GRIN2B: variants seen among roughly 807,000 people sequenced by gnomAD.
GRIN2B encodes glutamate ionotropic receptor NMDA type subunit 2B, also known as glutamate receptor ionotropic, NMDA 2B.
GRIN2B carries 5 observed loss-of-function variants against 114.5 expected under a neutral mutation model. The observed-to-expected ratio is 0.04, with a 90% CI of 0.02 to 0.09. GRIN2B has a LOEUF of 0.09. GRIN2B is among the 10% of genes least tolerant of loss of function. The pLI is 1.00. For synonymous variants in GRIN2B, 787 were observed against 745.1 expected (o/e 1.06, Z -0.92); for missense variants, 1,108 against 1,943.5 (o/e 0.57, Z 8.08).
intron 4 of GRIN2B, among the ~76,000 whole-genome samples, chr12:13,697,627 G>A (rs1003076406): frequency 1.3e-5 from 2 of 152,126 alleles, no homozygotes; most frequent in African/African-American, 2.4e-5. Flanking sequence ...TTTGTCCAAG[G>A]TTGCACTTAG....
chr12:13,741,740 T>C (rs1292536924), intron 4 of GRIN2B, among the ~76,000 whole-genome samples: 1 of 152,062 alleles, frequency 6.6e-6, no homozygotes, highest in Non-Finnish European at 1.5e-5. Flanking sequence ...TTCTGTATTT[T>C]ATAAAGACGG....
intron 3 of GRIN2B, among the ~76,000 whole-genome samples, chr12:13,815,292 A>G (rs1232546232): frequency 2.0e-5 from 3 of 152,170 alleles, no homozygotes; most frequent in South Asian, 4.1e-4. Flanking sequence ...ATGTATTGGT[A>G]CTGAGATTCA....
intron 2 of GRIN2B, among the ~76,000 whole-genome samples, chr12:13,931,020 G>A (rs936371781): frequency 2.0e-5 from 3 of 152,132 alleles, no homozygotes; most frequent in Non-Finnish European, 4.4e-5. Context: ...GAAGAAAAAT[G>A]TTTTCCTGGT....
At chr12:13,652,817 A>T (rs1188043462) in intron 5 of GRIN2B, among the ~76,000 whole-genome samples, 2 of 152,196 alleles carry the variant, frequency 1.3e-5, no homozygotes, top group African/African-American at 4.8e-5. Flanking sequence ...ATTACTAAAA[A>T]GGCTGAAGAA....
intron 4 of GRIN2B, among the ~76,000 whole-genome samples, chr12:13,722,252 G>T (rs1862896271): frequency 6.6e-6 from 1 of 152,086 alleles, no homozygotes; most frequent in South Asian, 2.1e-4. Context: ...GTGTGGTCAA[G>T]GATTTCAGGG....
chr12:13,604,647 T>C (rs918633389), intron 10 of GRIN2B, among the ~76,000 whole-genome samples: 2 of 152,232 alleles, frequency 1.3e-5, no homozygotes, highest in African/African-American at 4.8e-5. Context: ...TTTATTCTTT[T>C]TCTAAATTCA....
At chr12:13,790,753 G>T (rs1864306589) in intron 3 of GRIN2B, among the ~76,000 whole-genome samples, 1 of 152,158 alleles carries the variant, frequency 6.6e-6, no homozygotes, top group South Asian at 2.1e-4. Context: ...TAGAAAGGAG[G>T]CCCACTCTTG....
chr12:13,951,442 T>A (rs1344070476), intron 2 of GRIN2B, among the ~76,000 whole-genome samples: 1 of 152,146 alleles, frequency 6.6e-6, no homozygotes, highest in African/African-American at 2.4e-5. Context: ...TTAGCCTAAA[T>A]GTAAGGGTGA....
intron 10 of GRIN2B, among the ~76,000 whole-genome samples, chr12:13,604,085 G>T (rs1949204114): frequency 6.6e-6 from 1 of 152,092 alleles, no homozygotes; most frequent in African/African-American, 2.4e-5. Flanking sequence ...AATCCATCTG[G>T]ATGGGTGAGA....
chr12:13,906,856 A>G (rs1399413062), intron 2 of GRIN2B, among the ~76,000 whole-genome samples: 2 of 152,230 alleles, frequency 1.3e-5, no homozygotes, highest in African/African-American at 4.8e-5. Flanking sequence ...ATAAAAATTC[A>G]CATTTTCTAT....
intron 3 of GRIN2B, among the ~76,000 whole-genome samples, chr12:13,816,579 T>C (rs1370251303): frequency 2.0e-5 from 3 of 152,124 alleles, no homozygotes; most frequent in Non-Finnish European, 4.4e-5. Context: ...GCAGCAGACC[T>C]GGTTTCCATA....
At chr12:13,894,477 C>T (rs1323175678) in intron 2 of GRIN2B, among the ~76,000 whole-genome samples, 1 of 151,802 alleles carries the variant, frequency 6.6e-6, no homozygotes, top group Non-Finnish European at 1.5e-5. Flanking sequence ...AAAAAGAGCA[C>T]CAAAAAACGG....
intron 10 of GRIN2B, among the ~76,000 whole-genome samples, chr12:13,579,756 G>A (rs562393903): frequency 2.1e-4 from 32 of 151,832 alleles, no homozygotes; most frequent in Non-Finnish European, 4.4e-4. Flanking sequence ...TGAGGGTATG[G>A]GTGCTACAGT....
At chr12:13,761,076 T>C (rs985430711) in intron 3 of GRIN2B, among the ~76,000 whole-genome samples, 1 of 152,172 alleles carries the variant, frequency 6.6e-6, no homozygotes, top group African/African-American at 2.4e-5. Context: ...AGAATCATGA[T>C]CTTTCCTGCC....
At chr12:13,876,083 G>A (rs557047868) in intron 2 of GRIN2B, among the ~76,000 whole-genome samples, 10 of 152,258 alleles carry the variant, frequency 6.6e-5, no homozygotes, top group Non-Finnish European at 1.2e-4. Context: ...TAGTGAAAAC[G>A]GCAGATTGAA....
In GRIN2B at chr12:13,547,222, G is replaced by T. The variant is rs1303638324; in HGVS notation, c.*15561C>A. The T allele has an allele frequency of 6.6e-6, 1 of 152,182 alleles. No homozygotes were observed. The highest frequency in any genetic ancestry group is 1.5e-5 in the Non-Finnish European group (1 of 68,034). The allele number at this position is 152,182 out of a possible 1,614,324, so 9.4% of individuals were successfully genotyped here. ...TGCCAGGAGGCTGGGAGGTGAGGAA[G>T]GGTTTCCAAGTAAGGAGCTTGGAAG... On this transcript the variant is annotated 3_prime_UTR_variant, in exon 14 of 14. Transcript: ENST00000609686.
chr12:13,685,720 A>G (rs1425237449), intron 4 of GRIN2B, among the ~76,000 whole-genome samples: 1 of 152,188 alleles, frequency 6.6e-6, no homozygotes, highest in Non-Finnish European at 1.5e-5. Context: ...TACCATACAG[A>G]TAAAATCCTT....
At chr12:13,613,826 T>C (rs1949397686) in intron 8 of GRIN2B, among the ~76,000 whole-genome samples, 2 of 152,110 alleles carry the variant, frequency 1.3e-5, no homozygotes, top group African/African-American at 4.8e-5. Flanking sequence ...CTTATCCCTA[T>C]AACTAACTGC....
At chr12:13,823,911 A>G (rs560266296) in intron 3 of GRIN2B, among the ~76,000 whole-genome samples, 1 of 152,164 alleles carries the variant, frequency 6.6e-6, no homozygotes, top group African/African-American at 2.4e-5. Flanking sequence ...GTGATCATAT[A>G]TATTTTTCAT....
Sources: gnomAD v4.1 joint callset for allele counts (sites outside exome capture counted in the v4.1 genomes callset) on GRCh38, gnomAD v4.1.1 for gene constraint, MANE v1.5 for transcripts, NCBI Gene and HGNC (gene_info 2026-07-23, HGNC 2026-07-21) for gene names.